Variants in UTRN observed in about 807,000 individuals in gnomAD.
UTRN encodes utrophin.
A neutral mutation model predicts 463.9 loss-of-function variants in UTRN; 283 were observed. The ratio of observed to expected loss-of-function variants is 0.61; its 90% CI spans 0.55 to 0.67. The LOEUF is 0.67. Among genes scored for constraint, UTRN ranks in the 30% least tolerant of loss-of-function variants. The pLI is 0.00. For synonymous variants in UTRN, 1,442 were observed against 1,431.5 expected (o/e 1.01, Z -0.17); for missense variants, 3,922 against 4,084.3 (o/e 0.96, Z 1.08).
chr6:144,305,536 G>T, intron 2 of UTRN, among the ~76,000 whole-genome samples: 1 of 152,276 alleles, frequency 6.6e-6, no homozygotes, highest in African/African-American at 2.4e-5. Context: ...TTGGAAGTAG[G>T]ATTTGAGACA....
intron 51 of UTRN, among the ~76,000 whole-genome samples, chr6:144,622,091 A>G (rs1418955415): frequency 1.3e-5 from 2 of 150,770 alleles, no homozygotes; most frequent in Non-Finnish European, 2.9e-5. Flanking sequence ...AATATTTTCT[A>G]TTATTTATAC....
intron 54 of UTRN, among the ~76,000 whole-genome samples, chr6:144,733,779 A>C (rs1789044137): frequency 1.3e-5 from 2 of 152,304 alleles, no homozygotes; most frequent in South Asian, 4.1e-4. Flanking sequence ...TATTCACTTA[A>C]CAGATGAGAA....
At chr6:144,401,611 A>G (rs1782941444) in intron 2 of UTRN, among the ~76,000 whole-genome samples, 1 of 151,998 alleles carries the variant, frequency 6.6e-6, no homozygotes, top group Admixed American at 6.6e-5. Context: ...TTTCTATACC[A>G]CTTGCTCCCT....
At chr6:144,460,001 AT>A (rs11355493) in intron 21 of UTRN, among the ~76,000 whole-genome samples, 4,775 of 132,844 alleles carry the variant, frequency 0.036, 125 homozygotes, top group African/African-American at 0.1. Flanking sequence ...ATTTTTAAAG[AT>A]TTTTTTTTTT....
At chr6:144,593,668 C>A (rs959528254) in intron 51 of UTRN, among the ~76,000 whole-genome samples, 2 of 152,194 alleles carry the variant, frequency 1.3e-5, no homozygotes, top group African/African-American at 4.8e-5. Context: ...AGACCCTATT[C>A]TTCTGCCTCA....
Position 144,491,055 on chromosome 6 carries a change from A to T in UTRN, c.4390A>T (p.Lys1464Ter). The T allele has an allele frequency of 6.2e-7, 1 of 1,613,914 alleles. No individual in the cohort carries two copies. Among genetic ancestry groups the T allele is most frequent in the Non-Finnish European group, 8.5e-7 (1 of 1,179,948 alleles). ...VKAELHVLDV[K>*]DVDPDVIQTH... The stretch of plus-strand genomic sequence containing the variant: ...AGCAGAACTTCACGTTCTGGATGTG[A>T]AGGACGTAGACCCTGACGTCATACA... The change falls in exon 32 of 75, where the codon AAG (lysine) becomes TAG (stop). Residue 1464 changes from lysine (K) to a stop codon, truncating the protein, a stop_gained. Transcript: ENST00000367545. LOFTEE classifies it high-confidence loss of function.
At position 144,514,780 on chromosome 6, in the gene UTRN, G is replaced by A; in HGVS notation, c.5204G>A (p.Arg1735Lys). 1 of 1,614,052 alleles carries A rather than the reference G, an allele frequency of 6.2e-7. No homozygotes were observed. The highest frequency in any genetic ancestry group is 2.2e-5 in the East Asian group (1 of 44,882). The change falls in exon 37 of 75, where the codon AGG becomes AAG. Residue 1735 changes from arginine (R) to lysine (K), a missense_variant. Around this residue, in one of 3 missense-constraint regions of UTRN, gnomAD observed 2,349 missense variants for 2,303.8 expected, o/e 1.02. Coordinates refer to ENST00000367545, the MANE Select transcript of UTRN (RefSeq NM_007124.3). ...LVEPKLAELNRNFEKVSQHIK... is the reference protein window; with the variant it reads ...LVEPKLAELNKNFEKVSQHIK... ...GAACCAAAGTTAGCTGAGCTGAATA[G>A]GAACTTTGAAAAGGTGTCTCAACAT...
Position 144,421,887 on chromosome 6 carries a change from C to T in UTRN, c.151C>T (p.Pro51Ser). 2 of 1,610,826 alleles carry T rather than the reference C, an allele frequency of 1.2e-6. No individual in the cohort carries two copies. The highest frequency in any genetic ancestry group is 1.7e-6 in the Non-Finnish European group (2 of 1,178,602). The change falls in exon 4 of 75, where the codon CCA becomes TCA. Residue 51 changes from proline (P) to serine (S), a missense_variant. Pro to Ser is a moderately conservative substitution (Grantham distance 74). Transcript: ENST00000367545. ...TGTTTTTCTTTTACAGAGTGGGAAA[C>T]CACCCATCAATGATATGTTCACAGA... ...INARFSKSGK[P>S]PINDMFTDLK...
At chr6:144,739,811 G>A (rs1405267252) in intron 54 of UTRN, among the ~76,000 whole-genome samples, 1 of 152,154 alleles carries the variant, frequency 6.6e-6, no homozygotes, top group African/African-American at 2.4e-5. Context: ...CCAGGAGAGG[G>A]CTCTGGTTGA....
rs1402815648 is a variant in UTRN, at chr6:144,635,514, C to CTT, written c.7480-42878_7480-42877dup. 2.6e-3 allele frequency among the ~76,000 whole-genome samples: 205 copies of CTT among 79,984 alleles called. 1 individual carries two copies. Among genetic ancestry groups the CTT allele is most frequent in the Admixed American group, 4.4e-3 (23 of 5,170 alleles). The allele number at this position is 79,984 out of a possible 152,430, so 52.5% of individuals were successfully genotyped here. On this transcript the variant is annotated intron_variant, in intron 51 of 74. Coordinates refer to ENST00000367545, the MANE Select transcript of UTRN (RefSeq NM_007124.3). Reference sequence around the variant, plus strand: ...TACTTAGCAGCTAGCCTTTTTTTTTCTTTTTTTTTTTTTTTCTTTTCTTTT... The same window carrying CTT: ...TACTTAGCAGCTAGCCTTTTTTTTTCTTTTTTTTTTTTTTTTTCTTTTCTTTT...
intron 74 of UTRN, among the ~76,000 whole-genome samples, chr6:144,848,849 T>G (rs1392073559): frequency 6.6e-6 from 1 of 152,138 alleles, no homozygotes; most frequent in Non-Finnish European, 1.5e-5. Context: ...TGAAGGAACA[T>G]GACCTACGGA....
At chr6:144,307,959 G>T (rs945359831) in intron 2 of UTRN, among the ~76,000 whole-genome samples, 2 of 151,850 alleles carry the variant, frequency 1.3e-5, no homozygotes, top group African/African-American at 2.4e-5. Context: ...CTTTTGTGTG[G>T]GTTCTTTTCT....
At chr6:144,790,718 A>G (rs1450557968) in intron 62 of UTRN, among the ~76,000 whole-genome samples, 1 of 152,210 alleles carries the variant, frequency 6.6e-6, no homozygotes, top group Non-Finnish European at 1.5e-5. Context: ...TCAACAGCTG[A>G]AAACGTTATC....
At chr6:144,389,955 G>A (rs1366383845) in intron 2 of UTRN, among the ~76,000 whole-genome samples, 2 of 152,132 alleles carry the variant, frequency 1.3e-5, no homozygotes, top group Non-Finnish European at 2.9e-5. Context: ...GGGGGTGGGG[G>A]ACTTGGAGTA....
At position 144,575,344 on chromosome 6, in the gene UTRN, A is replaced by G. The variant is rs186648069; in HGVS notation, c.7290-1755A>G. Among the ~76,000 whole-genome samples the G allele has an allele frequency of 1.2e-3, 185 of 152,338 alleles. 1 individual carries two copies. Among genetic ancestry groups the G allele is most frequent in the Middle Eastern group, 0.01 (3 of 294 alleles). ...AAAATAACTGTTTGAATATTAAGTT[A>G]ATATTCCAGACATTTCTCCCTCTAT... On this transcript the variant is annotated intron_variant, in intron 50 of 74. Coordinates refer to ENST00000367545, the MANE Select transcript of UTRN (RefSeq NM_007124.3).
In UTRN at chr6:144,473,363, A is replaced by C. The variant is rs528808840; in HGVS notation, c.3067-357A>C. Among the ~76,000 whole-genome samples, 3 of 152,306 alleles carry C rather than the reference A, an allele frequency of 2.0e-5. No homozygotes were observed. In the East Asian group the frequency reaches 5.8e-4, roughly 29 times the overall value. On this transcript the variant is annotated intron_variant, in intron 23 of 74. Transcript: ENST00000367545. ...GCTCTGAGTTACTAACTTTAGAGAA[A>C]AATTGTTCTAAATTATATCAGAGCA...
intron 51 of UTRN, among the ~76,000 whole-genome samples, chr6:144,605,160 A>G (rs1300053267): frequency 1.3e-5 from 2 of 152,128 alleles, no homozygotes; most frequent in East Asian, 3.9e-4. Context: ...TCTTAGGCTA[A>G]TGGTATCACC....
At chr6:144,824,015 T>C (rs77735752) in intron 66 of UTRN, among the ~76,000 whole-genome samples, 2,019 of 152,232 alleles carry the variant, frequency 0.013, 47 homozygotes, top group African/African-American at 0.046. Flanking sequence ...GAAAGATTAA[T>C]AGGGCTAAGT....
rs368906009 is a variant in UTRN, at chr6:144,432,051, T to G, written c.855+2310T>G. ...GCACAACATGAAGGTTTGTTACATA[T>G]GTATACATGTGCCACGGGTGGTGTG... is the stretch of plus-strand genomic sequence containing the variant. On this transcript the variant is annotated intron_variant, in intron 9 of 74. Transcript: ENST00000367545. 1.5e-4 allele frequency among the ~76,000 whole-genome samples: 23 copies of G among 152,342 alleles called. No individual in the cohort carries two copies. The East Asian group carries it at 2.5e-3, about 17-fold the overall frequency.
Sources: gnomAD v4.1 joint callset for allele counts (sites outside exome capture counted in the v4.1 genomes callset) on GRCh38, gnomAD v4.1.1 for gene constraint, gnomAD v4.1.1 regional missense constraint, MANE v1.5 for transcripts, NCBI Gene and HGNC (gene_info 2026-07-23, HGNC 2026-07-21) for gene names.